CNTNAP2: variants seen among roughly 807,000 people sequenced by gnomAD.
CNTNAP2 encodes the protein contactin associated protein 2.
CNTNAP2 carries 98 observed loss-of-function variants against 155.2 expected under a neutral mutation model. The observed-to-expected ratio is 0.63, with a 90% CI of 0.54 to 0.75. CNTNAP2 has a LOEUF of 0.75. CNTNAP2 is among the 30% of genes least tolerant of loss of function. The pLI is 0.00. For missense variants in CNTNAP2, 1,727 were observed against 1,688.1 expected (o/e 1.02, Z -0.40); for synonymous variants, 651 against 631.2 (o/e 1.03, Z -0.47).
intron 1 of CNTNAP2, among the ~76,000 whole-genome samples, chr7:146,649,597 A>G (rs1047927856): frequency 6.6e-6 from 1 of 152,178 alleles, no homozygotes; most frequent in Non-Finnish European, 1.5e-5. Context: ...AATATTGTGT[A>G]TGAATAACCA....
rs1297705245 is a variant in CNTNAP2 at position 146,595,455 on chromosome 7, A to G, written c.98-178816A>G. 3.3e-5 allele frequency among the ~76,000 whole-genome samples: 5 copies of G among 152,194 alleles called. No homozygotes were observed. In the East Asian group the frequency reaches 9.7e-4, roughly 29 times the overall value. On this transcript the variant is annotated intron_variant, in intron 1 of 23. Coordinates refer to ENST00000361727, the MANE Select transcript of CNTNAP2 (RefSeq NM_014141.6). ...TCCTTAAGAGGAATATTATATTTTCAGAAAGATTTGAAGAACTTAAAGCTT... is the reference window on the plus strand; with the variant it reads ...TCCTTAAGAGGAATATTATATTTTCGGAAAGATTTGAAGAACTTAAAGCTT...
intron 13 of CNTNAP2, among the ~76,000 whole-genome samples, chr7:147,678,124 C>T (rs1315130973): frequency 1.3e-5 from 2 of 151,776 alleles, no homozygotes; most frequent in Non-Finnish European, 2.9e-5. Flanking sequence ...ACTGGCAGTT[C>T]CTTTCTATCT....
intron 18 of CNTNAP2, among the ~76,000 whole-genome samples, chr7:148,179,535 G>T (rs71532719): frequency 1.4e-5 from 2 of 146,956 alleles, no homozygotes; most frequent in East Asian, 4.0e-4. Context: ...GGGAGAGAGA[G>T]GGAGTGAGAG....
chr7:146,445,195 A>G (rs1037763392), intron 1 of CNTNAP2, among the ~76,000 whole-genome samples: 3 of 152,200 alleles, frequency 2.0e-5, no homozygotes, highest in Non-Finnish European at 4.4e-5. Flanking sequence ...GTATAATGAG[A>G]TTGTTGTAAT....
rs764214405 is a variant in CNTNAP2 at position 146,655,445 on chromosome 7, T to G, written c.98-118826T>G. Among the ~76,000 whole-genome samples, 20 of 138,478 alleles carry G rather than the reference T, an allele frequency of 1.4e-4. No individual in the cohort carries two copies. In the East Asian group the frequency reaches 4.3e-3, roughly 30 times the overall value. 90.8% of individuals were successfully genotyped at this position (138,478 alleles called of 152,430 possible). On this transcript the variant is annotated intron_variant, in intron 1 of 23. Coordinates refer to ENST00000361727, the MANE Select transcript of CNTNAP2 (RefSeq NM_014141.6). ...AAAAAAAAAAAAAAAGAAAGAAAAA[T>G]ATATCTTTATTTTCAATATTACTGT... is the stretch of plus-strand genomic sequence containing the variant.
At chr7:147,935,789 T>C (rs1188833153) in intron 14 of CNTNAP2, among the ~76,000 whole-genome samples, 1 of 152,222 alleles carries the variant, frequency 6.6e-6, no homozygotes, top group Non-Finnish European at 1.5e-5. Flanking sequence ...AAATTAACTA[T>C]ACTGCCTTTA....
At chr7:147,194,771 T>C (rs770688738) in intron 8 of CNTNAP2, among the ~76,000 whole-genome samples, 9 of 152,200 alleles carry the variant, frequency 5.9e-5, no homozygotes, top group Non-Finnish European at 1.0e-4. Context: ...TGGGGTTGTT[T>C]GTTTTTTCTG....
chr7:148,206,802 C>T (rs1428536022), intron 18 of CNTNAP2, among the ~76,000 whole-genome samples: 2 of 152,188 alleles, frequency 1.3e-5, no homozygotes, highest in African/African-American at 4.8e-5. Flanking sequence ...ATTCCTCATG[C>T]CTTGGTGCCT....
At chr7:147,314,715 A>T (rs1795195033) in intron 9 of CNTNAP2, among the ~76,000 whole-genome samples, 1 of 151,254 alleles carries the variant, frequency 6.6e-6, no homozygotes, top group African/African-American at 2.4e-5. Flanking sequence ...AAAGAGATGG[A>T]CTCAAGGATT....
In CNTNAP2 at chr7:147,120,177, A is replaced by G. The variant is rs560632330; in HGVS notation, c.755-802A>G. Among the ~76,000 whole-genome samples, 23 of 152,334 alleles carry G rather than the reference A, an allele frequency of 1.5e-4. 1 individual carries two copies. The highest frequency in any genetic ancestry group is 3.8e-4 in the African/African-American group (16 of 41,578). On this transcript the variant is annotated intron_variant, in intron 5 of 23. Transcript: ENST00000361727. The stretch of plus-strand genomic sequence containing the variant: ...CTTTTGGAGTCAATGAAAATTAAAA[A>G]TGGTCTTGCTATGTGGTCTTAATAA...
At chr7:148,133,541 G>C (rs1002949493) in intron 16 of CNTNAP2, 5 of 152,160 alleles carry the variant, frequency 3.3e-5, no homozygotes, top group Admixed American at 6.5e-5. Context: ...TAGAGGTTCA[G>C]ACTCCTTTTC....
intron 9 of CNTNAP2, among the ~76,000 whole-genome samples, chr7:147,356,258 A>T (rs1584895699): frequency 6.6e-6 from 1 of 152,188 alleles, no homozygotes; most frequent in South Asian, 2.1e-4. Context: ...AAAACTCTCA[A>T]TAAAGTAGGT....
intron 3 of CNTNAP2, among the ~76,000 whole-genome samples, chr7:146,848,898 G>C (rs944712548): frequency 4.6e-5 from 7 of 152,034 alleles, no homozygotes; most frequent in African/African-American, 7.2e-5. Context: ...TCAGCCTCTC[G>C]AGTAGCTGGG....
At chr7:146,894,310 C>T (rs1260947641) in intron 3 of CNTNAP2, among the ~76,000 whole-genome samples, 1 of 152,060 alleles carries the variant, frequency 6.6e-6, no homozygotes, top group Non-Finnish European at 1.5e-5. Flanking sequence ...AGAATAAGGG[C>T]CAAATTCCTT....
intron 13 of CNTNAP2, chr7:147,643,524 A>G (rs778385623): frequency 2.6e-5 from 4 of 152,322 alleles, no homozygotes; most frequent in Non-Finnish European, 4.4e-5. Flanking sequence ...TGTTTTAAAG[A>G]AGCTAATGTT....
At chr7:147,957,737 A>G (rs138863454) in intron 14 of CNTNAP2, among the ~76,000 whole-genome samples, 2 of 152,318 alleles carry the variant, frequency 1.3e-5, no homozygotes, top group Non-Finnish European at 2.9e-5. Flanking sequence ...AGATACATAT[A>G]TATTAAATGG....
chr7:147,430,979 C>T (rs1306192807), intron 10 of CNTNAP2, among the ~76,000 whole-genome samples: 2 of 150,324 alleles, frequency 1.3e-5, no homozygotes, highest in Admixed American at 6.7e-5. Context: ...ACCTGAGAGG[C>T]GGAGCTTGCA....
chr7:146,836,461 G>A (rs1237172041), intron 2 of CNTNAP2, among the ~76,000 whole-genome samples: 2 of 152,096 alleles, frequency 1.3e-5, no homozygotes, highest in Admixed American at 6.6e-5. Context: ...TACAGAAAAT[G>A]TTTGCTGACC....
At chr7:148,102,420 T>C (rs914913389) in intron 15 of CNTNAP2, among the ~76,000 whole-genome samples, 1 of 152,220 alleles carries the variant, frequency 6.6e-6, no homozygotes, top group Non-Finnish European at 1.5e-5. Context: ...TTGTGAATAG[T>C]CCTGTGATGC....
Sources: allele counts gnomAD v4.1 joint callset (sites outside exome capture counted in the v4.1 genomes callset), GRCh38; gene constraint gnomAD v4.1.1; transcripts MANE v1.5; gene names NCBI Gene and HGNC (gene_info 2026-07-23, HGNC 2026-07-21).